Variants in CNTLN observed in about 807,000 individuals in gnomAD.
CNTLN encodes the protein centlein, centrosomal protein.
Under a neutral mutation model 180.0 loss-of-function variants are expected in CNTLN, and 212 were observed. The ratio of observed to expected loss-of-function variants is 1.18; its 90% CI spans 1.05 to 1.32. The LOEUF (loss-of-function observed/expected upper bound fraction) is 1.32, where lower values mean the gene tolerates loss of function less well. Ranked by LOEUF, CNTLN falls within the 40% of genes most tolerant of loss-of-function variation. CNTLN has a pLI of 0.00. For synonymous variants in CNTLN, 722 were observed against 563.1 expected (o/e 1.28, Z -3.99); for missense variants, 2,095 against 1,610.9 (o/e 1.30, Z -5.14).
At chr9:17,243,458 A>C (rs1308080839) in intron 5 of CNTLN, among the ~76,000 whole-genome samples, 1 of 152,072 alleles carries the variant, frequency 6.6e-6, no homozygotes, top group African/African-American at 2.4e-5. Context: ...ACAGCATAAA[A>C]TTTGCTTTTA....
chr9:17,229,166 C>T (rs1346212837), intron 3 of CNTLN, among the ~76,000 whole-genome samples: 4 of 151,932 alleles, frequency 2.6e-5, no homozygotes, highest in African/African-American at 9.7e-5. Context: ...GGAGAGAGTA[C>T]AATGCAATAT....
chr9:17,251,460 A>G (rs115631378), intron 5 of CNTLN, among the ~76,000 whole-genome samples: 2,402 of 151,794 alleles, frequency 0.016, 68 homozygotes, highest in African/African-American at 0.055. Context: ...TTTAGACTCA[A>G]TGATTTTAAT....
intron 8 of CNTLN, among the ~76,000 whole-genome samples, chr9:17,322,614 A>AT (rs35157483): frequency 5.3e-5 from 8 of 150,534 alleles, no homozygotes; most frequent in South Asian, 2.1e-4. Context: ...ATGTTTAGTG[A>AT]TTTTTTTTTT....
intron 2 of CNTLN, among the ~76,000 whole-genome samples, chr9:17,169,811 C>A (rs761108974): frequency 1.2e-4 from 18 of 151,968 alleles, no homozygotes; most frequent in Admixed American, 2.0e-4. Flanking sequence ...GCTTTGTAAT[C>A]TGATTTGAAA....
At chr9:17,446,858 A>G (rs948374119) in intron 18 of CNTLN, among the ~76,000 whole-genome samples, 4 of 152,208 alleles carry the variant, frequency 2.6e-5, no homozygotes, top group African/African-American at 9.6e-5. Context: ...AAATAAAAGT[A>G]TTGAAATCTG....
At chr9:17,242,403 G>A (rs1825550197) in intron 5 of CNTLN, among the ~76,000 whole-genome samples, 1 of 152,080 alleles carries the variant, frequency 6.6e-6, no homozygotes, top group African/African-American at 2.4e-5. Flanking sequence ...TCCACCTCCT[G>A]GGTTCAAGTG....
intron 14 of CNTLN, among the ~76,000 whole-genome samples, chr9:17,393,486 C>T (rs1182564876): frequency 2.6e-5 from 4 of 152,078 alleles, no homozygotes; most frequent in Non-Finnish European, 4.4e-5. Context: ...TTTTCTTTCT[C>T]ATATGCCTTG....
At chr9:17,221,782 A>T (rs951141729) in intron 2 of CNTLN, among the ~76,000 whole-genome samples, 9 of 151,978 alleles carry the variant, frequency 5.9e-5, no homozygotes, top group African/African-American at 2.2e-4. Context: ...TCAACTTCCA[A>T]CACTTCTTTT....
intron 12 of CNTLN, among the ~76,000 whole-genome samples, chr9:17,350,667 A>G (rs548316201): frequency 4.3e-4 from 66 of 152,286 alleles, no homozygotes; most frequent in African/African-American, 1.4e-3. Context: ...CCGATGGATT[A>G]GGTTCCTGAT....
intron 23 of CNTLN, 125 bp downstream of exon 23, chr9:17,467,016 ACCCT>A: frequency 1.7e-6 from 1 of 572,122 alleles, no homozygotes; most frequent in Non-Finnish European, 3.0e-6. Context: ...ATCTTCTTCT[ACCCT>A]ATTTATCACA....
intron 24 of CNTLN, among the ~76,000 whole-genome samples, chr9:17,486,331 C>A (rs1303813838): frequency 1.3e-5 from 2 of 151,904 alleles, no homozygotes; most frequent in African/African-American, 4.8e-5. Flanking sequence ...CCCTTCCCTT[C>A]TTGGAAAGTC....
At chr9:17,302,088 G>A (rs1044250430) in intron 7 of CNTLN, 13 of 952,532 alleles carry the variant, frequency 1.4e-5, no homozygotes, top group African/African-American at 2.2e-5. Context: ...ACACATATGT[G>A]TACACACACA....
intron 18 of CNTLN, among the ~76,000 whole-genome samples, chr9:17,456,190 G>A (rs1262007599): frequency 6.6e-6 from 1 of 152,110 alleles, no homozygotes; most frequent in Non-Finnish European, 1.5e-5. Flanking sequence ...TGGATTCAAG[G>A]TTGAATATTA....
intron 5 of CNTLN, among the ~76,000 whole-genome samples, chr9:17,243,804 T>C (rs1410512447): frequency 1.3e-5 from 2 of 152,192 alleles, no homozygotes; most frequent in African/African-American, 4.8e-5. Context: ...TAAAATATGG[T>C]GTAAATATCT....
intron 18 of CNTLN, among the ~76,000 whole-genome samples, chr9:17,456,464 T>A (rs1335700099): frequency 6.6e-6 from 1 of 152,186 alleles, no homozygotes; most frequent in South Asian, 2.1e-4. Context: ...ATCTGAAATA[T>A]TCATATTTAA....
intron 13 of CNTLN, among the ~76,000 whole-genome samples, chr9:17,379,760 C>A (rs529522413): frequency 2.6e-5 from 4 of 152,082 alleles, no homozygotes; most frequent in Non-Finnish European, 4.4e-5. Context: ...TTCCTATTTT[C>A]TGACACCTGT....
intron 13 of CNTLN, among the ~76,000 whole-genome samples, chr9:17,372,122 A>T (rs1223773228): frequency 6.6e-6 from 1 of 152,168 alleles, no homozygotes; most frequent in Admixed American, 6.5e-5. Context: ...CAGAGCAGAG[A>T]TAAATAAAAT....
chr9:17,427,229 G>C (rs923117337), intron 18 of CNTLN, among the ~76,000 whole-genome samples: 7 of 151,098 alleles, frequency 4.6e-5, no homozygotes, highest in African/African-American at 1.7e-4. Context: ...TCCGTGCTCT[G>C]CTGCTGGCTG....
intron 2 of CNTLN, among the ~76,000 whole-genome samples, chr9:17,170,959 A>G (rs1191132357): frequency 1.3e-5 from 2 of 152,174 alleles, no homozygotes; most frequent in Non-Finnish European, 2.9e-5. Flanking sequence ...ACAGGTTTGT[A>G]GCTTGAGAGT....
Sources: allele counts gnomAD v4.1 joint callset (sites outside exome capture counted in the v4.1 genomes callset), GRCh38; gene constraint gnomAD v4.1.1; transcripts MANE v1.5; gene names NCBI Gene and HGNC (gene_info 2026-07-23, HGNC 2026-07-21).